ADAMTS20: variants seen among roughly 807,000 people sequenced by gnomAD.
ADAMTS20 encodes ADAM metallopeptidase with thrombospondin type 1 motif 20, also known as A disintegrin and metalloproteinase with thrombospondin motifs 20.
ADAMTS20 carries 225 observed loss-of-function variants against 260.1 expected under a neutral mutation model. The ratio of observed to expected loss-of-function variants is 0.87; its 90% CI spans 0.78 to 0.97. ADAMTS20 has a LOEUF of 0.97. Among genes scored for constraint, ADAMTS20 ranks in the 50% least tolerant of loss-of-function variants. ADAMTS20 has a pLI of 0.00. For missense variants in ADAMTS20, 2,400 were observed against 2,337.7 expected, an observed-to-expected ratio of 1.03 and a Z score of -0.55; for synonymous variants, 802 against 769.5, an observed-to-expected ratio of 1.04 and a Z score of -0.70.
chr12:43,534,471 T>G (rs1943266494), intron 2 of ADAMTS20, among the ~76,000 whole-genome samples: 1 of 152,192 alleles, frequency 6.6e-6, no homozygotes, highest in Non-Finnish European at 1.5e-5. Context: ...TTCTGAGAAT[T>G]TATCCTATAT....
At chr12:43,449,295 T>C (rs1941820602) in intron 14 of ADAMTS20, among the ~76,000 whole-genome samples, 1 of 152,144 alleles carries the variant, frequency 6.6e-6, no homozygotes, top group Admixed American at 6.5e-5. Context: ...AAAGGAATAC[T>C]ATGCAGCCAT....
intron 6 of ADAMTS20, among the ~76,000 whole-genome samples, 170 bp downstream of exon 6, chr12:43,492,335 G>C (rs569989776): frequency 6.6e-6 from 1 of 150,938 alleles, no homozygotes; most frequent in Admixed American, 6.6e-5. Flanking sequence ...AGCCGAGATC[G>C]CGCCACTGCA....
At chr12:43,451,836 T>C (rs954019363) in intron 14 of ADAMTS20, among the ~76,000 whole-genome samples, 5 of 152,114 alleles carry the variant, frequency 3.3e-5, no homozygotes, top group Non-Finnish European at 7.4e-5. Flanking sequence ...AATCAATGTT[T>C]GTTGAATGTA....
intron 14 of ADAMTS20, among the ~76,000 whole-genome samples, chr12:43,451,086 T>C (rs1196736037): frequency 6.6e-6 from 1 of 152,186 alleles, no homozygotes; most frequent in African/African-American, 2.4e-5. Flanking sequence ...CAAAATGGTA[T>C]ATTATTCAGC....
chr12:43,484,782 G>A (rs1169861361), intron 7 of ADAMTS20, among the ~76,000 whole-genome samples: 1 of 152,064 alleles, frequency 6.6e-6, no homozygotes, highest in Non-Finnish European at 1.5e-5. Context: ...GAATAACTGA[G>A]GAAAACTTCT....
chr12:43,467,060 G>A (rs2137383358), intron 8 of ADAMTS20, among the ~76,000 whole-genome samples: 1 of 151,966 alleles, frequency 6.6e-6, no homozygotes, highest in Admixed American at 6.6e-5. Flanking sequence ...ATCACAATAT[G>A]GACCACAGCA....
chr12:43,391,659 T>C (rs1349357685), intron 29 of ADAMTS20, among the ~76,000 whole-genome samples: 1 of 152,112 alleles, frequency 6.6e-6, no homozygotes, highest in Non-Finnish European at 1.5e-5. Flanking sequence ...CCATTAGTAT[T>C]CCCAACTGTA....
At chr12:43,368,165 C>T (rs1469042174) in intron 37 of ADAMTS20, among the ~76,000 whole-genome samples, 1 of 152,016 alleles carries the variant, frequency 6.6e-6, no homozygotes, top group Non-Finnish European at 1.5e-5. Flanking sequence ...GTTTTACAGA[C>T]AGAAATTTTA....
At chr12:43,497,194 A>T (rs1592097694) in intron 4 of ADAMTS20, among the ~76,000 whole-genome samples, 1 of 152,300 alleles carries the variant, frequency 6.6e-6, no homozygotes, top group East Asian at 1.9e-4. Flanking sequence ...TAAAATAGTA[A>T]ATATTATTCT....
intron 7 of ADAMTS20, among the ~76,000 whole-genome samples, chr12:43,484,816 AT>A (rs1942497217): frequency 6.6e-6 from 1 of 152,168 alleles, no homozygotes; most frequent in Non-Finnish European, 1.5e-5. Context: ...AGATTTAGAC[AT>A]TCAGATACAT....
At chr12:43,422,652 A>G (rs1339216993) in intron 28 of ADAMTS20, among the ~76,000 whole-genome samples, 3 of 152,082 alleles carry the variant, frequency 2.0e-5, no homozygotes, top group Non-Finnish European at 4.4e-5. Flanking sequence ...ACTTCAATAC[A>G]TTCAACTTAT....
At chr12:43,371,235 A>G (rs1258689373) in intron 36 of ADAMTS20, among the ~76,000 whole-genome samples, 5 of 151,586 alleles carry the variant, frequency 3.3e-5, no homozygotes, top group Non-Finnish European at 5.9e-5. Context: ...TCCTCCTAAA[A>G]CTCATTTTTT....
chr12:43,368,232 T>G (rs1309837118), intron 37 of ADAMTS20, among the ~76,000 whole-genome samples: 1 of 152,130 alleles, frequency 6.6e-6, no homozygotes, highest in Non-Finnish European at 1.5e-5. Flanking sequence ...CTTGCTATTT[T>G]GTTTTGGAAC....
At chr12:43,486,335 C>A (rs1008279827) in intron 7 of ADAMTS20, among the ~76,000 whole-genome samples, 14 of 151,938 alleles carry the variant, frequency 9.2e-5, no homozygotes, top group Admixed American at 3.3e-4. Context: ...GGAAAGAATA[C>A]CCTATTTAAT....
chr12:43,446,695 G>A lies in ADAMTS20; in HGVS notation c.2097C>T (p.His699=), dbSNP rs772793771. The stretch of plus-strand genomic sequence containing the variant: ...CTATCTTGGCACTGGAGTTTAACAC[G>A]TGATCACAACCAGCTGCCTTCAAGA... ...QGQCMAAGCD[H]VLNSSAKIDK... is the part of the protein sequence containing the mutation. The change falls in exon 15 of 39, where the codon CAC becomes CAT. Residue 699 remains histidine (H), a synonymous_variant. Coordinates refer to ENST00000389420, the MANE Select transcript of ADAMTS20 (RefSeq NM_025003.5). 16 of 1,612,866 alleles carry A rather than the reference G, an allele frequency of 9.9e-6. No individual in the cohort carries two copies. The highest frequency in any genetic ancestry group is 1.6e-4 in the Middle Eastern group (1 of 6,080).
chr12:43,534,873 C>T (rs1943273041), intron 2 of ADAMTS20, among the ~76,000 whole-genome samples: 1 of 152,110 alleles, frequency 6.6e-6, no homozygotes, highest in Non-Finnish European at 1.5e-5. Context: ...AAACTGGGTG[C>T]ATGTAGGATG....
intron 37 of ADAMTS20, among the ~76,000 whole-genome samples, chr12:43,365,051 T>C (rs1396653672): frequency 6.6e-6 from 1 of 151,900 alleles, no homozygotes; most frequent in Non-Finnish European, 1.5e-5. Flanking sequence ...CCCAATAAGA[T>C]AAACAGCTGA....
In ADAMTS20 at chr12:43,425,658, T is replaced by C. The variant is rs764476140; in HGVS notation, c.4140A>G (p.Ser1380=). ...TGGGAAATTGACATATTACAAGTCT[T>C]GATTTTATTCCTCCTCCACATGTTT... ...CSQTCGGGIK[S]RLVICQFPNG... is the part of the protein sequence containing the mutation. The change falls in exon 28 of 39, where the codon TCA becomes TCG. Residue 1380 remains serine (S), a synonymous_variant. Transcript: ENST00000389420. The C allele has an allele frequency of 1.2e-6, 2 of 1,606,492 alleles. No individual in the cohort carries two copies. The highest frequency in any genetic ancestry group is 1.7e-6 in the Non-Finnish European group (2 of 1,175,634).
intron 37 of ADAMTS20, among the ~76,000 whole-genome samples, chr12:43,363,836 A>G (rs1378602676): frequency 2.0e-5 from 3 of 152,214 alleles, no homozygotes; most frequent in Non-Finnish European, 2.9e-5. Flanking sequence ...GACTTTCCTG[A>G]TCTCAAAAAC....
Sources: allele counts gnomAD v4.1 joint callset (sites outside exome capture counted in the v4.1 genomes callset), GRCh38; gene constraint gnomAD v4.1.1; transcripts MANE v1.5; gene names NCBI Gene and HGNC (gene_info 2026-07-23, HGNC 2026-07-21).